Variants in OR4F16 observed in about 807,000 individuals in gnomAD.
The protein encoded by OR4F16 is olfactory receptor 4F3/4F16/4F29.
the OR4F16 span, among the ~76,000 whole-genome samples, chr1:716,220 T>TATAGCTGGAGATGTC: frequency 6.6e-6 from 1 of 152,040 alleles, no homozygotes. Flanking sequence ...ATTTCCATTT[T>TATAGCTGGAGATGTC]ATAGCTGGAG....
At chr1:683,068 T>TC (rs1270210690), downstream of OR4F16, among the ~76,000 whole-genome samples, 5 of 133,592 alleles carry the variant, frequency 3.7e-5, no homozygotes, top group African/African-American at 1.1e-4. Flanking sequence ...TAAAAATCGA[T>TC]CCCCCCCAAA....
downstream of OR4F16, among the ~76,000 whole-genome samples, chr1:682,958 A>AT (rs1259915340): frequency 1.2e-5 from 1 of 83,660 alleles, no homozygotes; most frequent in East Asian, 3.5e-4. Flanking sequence ...GAATATGTGT[A>AT]TTTTTAAGCA....
the OR4F16 span, among the ~76,000 whole-genome samples, chr1:712,095 C>CTATTATATATATAATATT: frequency 2.9e-4 from 1 of 3,478 alleles, no homozygotes; most frequent in African/African-American, 6.0e-4. Context: ...TATTATATAT[C>CTATTATATATATAATATT]ATTTCCAAAT....
chr1:715,861 A>G, the OR4F16 span, among the ~76,000 whole-genome samples: 2 of 151,258 alleles, frequency 1.3e-5, no homozygotes, highest in Non-Finnish European at 2.9e-5. Flanking sequence ...ACTAAGCAAA[A>G]TAAGACATGT....
At chr1:715,705 G>A in the OR4F16 span, among the ~76,000 whole-genome samples, 1 of 92,856 alleles carries the variant, frequency 1.1e-5, no homozygotes, top group Admixed American at 1.2e-4. Context: ...GGTGGCATGT[G>A]CCTGTAGTAC....
the OR4F16 span, among the ~76,000 whole-genome samples, chr1:717,314 G>C: frequency 6.6e-6 from 1 of 151,298 alleles, no homozygotes; most frequent in Admixed American, 6.6e-5. Context: ...CAGAAACCTT[G>C]AAGGCCAGCA....
At chr1:676,814 T>C in the OR4F16 span, among the ~76,000 whole-genome samples, 2 of 120,150 alleles carry the variant, frequency 1.7e-5, 1 homozygote, top group Non-Finnish European at 3.2e-5. Context: ...TTGAAAAGCC[T>C]GATGGCTCTG....
upstream of OR4F16, among the ~76,000 whole-genome samples, chr1:691,284 A>G (rs1248015166): frequency 6.6e-6 from 1 of 151,984 alleles, no homozygotes; most frequent in Non-Finnish European, 1.5e-5. Context: ...ATAGAAAATT[A>G]TTTCTCAAAT....
chr1:690,954 T>C (rs1227184270), upstream of OR4F16, among the ~76,000 whole-genome samples: 1 of 147,594 alleles, frequency 6.8e-6, no homozygotes, highest in South Asian at 2.1e-4. Flanking sequence ...GTGATGAATA[T>C]CCAAATTACT....
chr1:716,503 TATTA>T, the OR4F16 span, among the ~76,000 whole-genome samples: 1 of 55,248 alleles, frequency 1.8e-5, no homozygotes, highest in Non-Finnish European at 4.2e-5. Flanking sequence ...GCTGATAATT[TATTA>T]GTTAGGCTCA....
At chr1:712,635 AATAAT>A in the OR4F16 span, among the ~76,000 whole-genome samples, 49 of 148,372 alleles carry the variant, frequency 3.3e-4, no homozygotes, top group African/African-American at 9.7e-4. Flanking sequence ...AATATAAAGG[AATAAT>A]ATAATAATTT....
At chr1:710,286 C>A in the OR4F16 span, among the ~76,000 whole-genome samples, 3 of 117,260 alleles carry the variant, frequency 2.6e-5, no homozygotes, top group Admixed American at 9.5e-5. Flanking sequence ...AATGAGAAAA[C>A]AAAAAAGTAG....
At chr1:690,864 A>G (rs1206404188), upstream of OR4F16, among the ~76,000 whole-genome samples, 2 of 148,452 alleles carry the variant, frequency 1.3e-5, no homozygotes, top group East Asian at 2.0e-4. Context: ...GTAGGGAACA[A>G]TAATTTATTA....
the OR4F16 span, among the ~76,000 whole-genome samples, chr1:702,502 GTTA>G: frequency 6.0e-5 from 6 of 100,402 alleles, no homozygotes; most frequent in African/African-American, 1.9e-4. Context: ...TACTCTATAT[GTTA>G]TTATTTTGTA....
chr1:702,375 G>A, the OR4F16 span: 3 of 150,958 alleles, frequency 2.0e-5, no homozygotes, highest in Non-Finnish European at 2.9e-5. Flanking sequence ...AAAAACCACC[G>A]CCATCATTTT....
chr1:691,177 A>G (rs1184280666), upstream of OR4F16, among the ~76,000 whole-genome samples: 1 of 151,622 alleles, frequency 6.6e-6, no homozygotes, highest in Non-Finnish European at 1.5e-5. Context: ...GATATAATAT[A>G]GGTAAAAATA....
the OR4F16 span, among the ~76,000 whole-genome samples, chr1:680,300 C>A: frequency 6.3e-5 from 2 of 31,606 alleles, no homozygotes; most frequent in Admixed American, 6.5e-4. Context: ...AAAACCAGCA[C>A]AAGACAAGGA....
the OR4F16 span, among the ~76,000 whole-genome samples, chr1:715,877 A>G: frequency 6.6e-6 from 1 of 150,998 alleles, no homozygotes; most frequent in Non-Finnish European, 1.5e-5. Flanking sequence ...CATGTGAAGG[A>G]TCATGTCAAA....
chr1:701,784 G>T, the OR4F16 span, among the ~76,000 whole-genome samples: 2 of 150,968 alleles, frequency 1.3e-5, no homozygotes, highest in African/African-American at 4.9e-5. Flanking sequence ...TGGAGGGTGA[G>T]AAAAGGAAGA....
Sources: gnomAD v4.1 joint callset for allele counts (sites outside exome capture counted in the v4.1 genomes callset) on GRCh38, gnomAD v4.1.1 for gene constraint, MANE v1.5 for transcripts, NCBI Gene and HGNC (gene_info 2026-07-23, HGNC 2026-07-21) for gene names.